Variants in PAX7 observed in about 807,000 individuals in gnomAD.
PAX7 encodes the protein paired box 7, also known as paired box protein Pax-7.
Under a neutral mutation model 50.7 loss-of-function variants are expected in PAX7, and 18 were observed. That is an observed-to-expected ratio of 0.36 (90% CI 0.25 to 0.53). The LOEUF is 0.53. PAX7 is among the 20% of genes least tolerant of loss of function. The pLI is 0.93. For synonymous variants in PAX7, 310 were observed against 290.4 expected (o/e 1.07, Z -0.69); for missense variants, 644 against 702.9 (o/e 0.92, Z 0.95).
At chr1:18,651,406 A>G (rs868120979) in intron 4 of PAX7, among the ~76,000 whole-genome samples, 3 of 152,252 alleles carry the variant, frequency 2.0e-5, no homozygotes, top group African/African-American at 7.2e-5. Flanking sequence ...ATCGTAAAAA[A>G]GTATATAAAA....
chr1:18,644,608 T>C (rs1180594956), intron 4 of PAX7, among the ~76,000 whole-genome samples: 1 of 152,060 alleles, frequency 6.6e-6, no homozygotes, highest in Non-Finnish European at 1.5e-5. Flanking sequence ...TGCTTCCTGA[T>C]GACTTCAGTA....
chr1:18,721,889 C>G (rs991396084), intron 7 of PAX7, among the ~76,000 whole-genome samples: 2 of 152,172 alleles, frequency 1.3e-5, no homozygotes, highest in Non-Finnish European at 2.9e-5. Context: ...GGACTGCTGT[C>G]AGAGATGGGG....
At chr1:18,697,024 G>T (rs1383629154) in intron 5 of PAX7, among the ~76,000 whole-genome samples, 1 of 151,962 alleles carries the variant, frequency 6.6e-6, no homozygotes, top group African/African-American at 2.4e-5. Context: ...CTATAAATAT[G>T]CATGCCTACT....
intron 4 of PAX7, among the ~76,000 whole-genome samples, chr1:18,691,436 GA>G (rs1266804008): frequency 1.3e-5 from 2 of 152,224 alleles, no homozygotes; most frequent in Non-Finnish European, 1.5e-5. Context: ...CATGTCAGTG[GA>G]AATAAACAAA....
chr1:18,736,896 C>T (rs147316059), intron 8 of PAX7, among the ~76,000 whole-genome samples: 29 of 152,370 alleles, frequency 1.9e-4, no homozygotes, highest in African/African-American at 6.7e-4. Flanking sequence ...CCATGTGCTG[C>T]TGGTGGCCAC....
At chr1:18,665,428 T>G (rs966566323) in intron 4 of PAX7, among the ~76,000 whole-genome samples, 1 of 152,082 alleles carries the variant, frequency 6.6e-6, no homozygotes, top group Non-Finnish European at 1.5e-5. Flanking sequence ...CAGGCTGGAG[T>G]GCAGTGGCAC....
intron 4 of PAX7, among the ~76,000 whole-genome samples, chr1:18,687,307 C>A (rs2088991460): frequency 6.6e-6 from 1 of 152,226 alleles, no homozygotes; most frequent in Non-Finnish European, 1.5e-5. Context: ...AGGGGAGCGA[C>A]TTGTCCAAGA....
intron 4 of PAX7, among the ~76,000 whole-genome samples, chr1:18,665,792 C>T (rs1163511134): frequency 2.0e-5 from 3 of 151,896 alleles, no homozygotes; most frequent in African/African-American, 7.3e-5. Flanking sequence ...GCCTCAGCCT[C>T]CCCAGTAGCT....
At chr1:18,715,861 A>T (rs1204857801) in intron 7 of PAX7, among the ~76,000 whole-genome samples, 1 of 152,104 alleles carries the variant, frequency 6.6e-6, no homozygotes, top group Non-Finnish European at 1.5e-5. Flanking sequence ...ACAGTGAGTT[A>T]GCGCAGGGCC....
In PAX7 at chr1:18,746,148, C is replaced by G. The variant is rs1464187025; in HGVS notation, c.*1219C>G. 4.3e-6 allele frequency: 1 copy of G among 231,964 alleles called. No homozygotes were observed. Among genetic ancestry groups the G allele is most frequent in the African/African-American group, 2.2e-5 (1 of 45,382 alleles). The allele number at this position is 231,964 out of a possible 1,614,324, so 14.4% of individuals were successfully genotyped here. On this transcript the variant is annotated 3_prime_UTR_variant, in exon 9 of 9. Coordinates refer to ENST00000420770, the MANE Select transcript of PAX7 (RefSeq NM_001135254.2). ...GGGCAGGGATGGTTTGCCCCACAGA[C>G]AAGATGATCCCCCCTGGCATGTTGT... is the stretch of plus-strand genomic sequence containing the variant.
chr1:18,637,749 C>T (rs1349369207), intron 4 of PAX7, among the ~76,000 whole-genome samples: 1 of 152,276 alleles, frequency 6.6e-6, no homozygotes, highest in African/African-American at 2.4e-5. Flanking sequence ...CCCCGTGTGA[C>T]AGCGGCCTGG....
chr1:18,682,859 G>T (rs1557527672), intron 4 of PAX7, among the ~76,000 whole-genome samples: 1 of 152,172 alleles, frequency 6.6e-6, no homozygotes, highest in Non-Finnish European at 1.5e-5. Context: ...CATCTTTCAA[G>T]GACTGGTCTC....
intron 3 of PAX7, 47 bp downstream of exon 3, chr1:18,635,287 G>T (rs1416000385): frequency 3.7e-6 from 6 of 1,607,556 alleles, no homozygotes; most frequent in Non-Finnish European, 5.1e-6. Flanking sequence ...GTGTGGCCAG[G>T]GGTCCAGTGT....
intron 5 of PAX7, among the ~76,000 whole-genome samples, chr1:18,693,070 A>G (rs1396545618): frequency 1.3e-5 from 2 of 152,128 alleles, no homozygotes; most frequent in African/African-American, 4.8e-5. Context: ...AAGAGCCGGG[A>G]CAAGTCGTGA....
At chr1:18,729,136 C>A (rs2089615105) in intron 7 of PAX7, among the ~76,000 whole-genome samples, 1 of 152,232 alleles carries the variant, frequency 6.6e-6, no homozygotes, top group Non-Finnish European at 1.5e-5. Context: ...CACTTTCATG[C>A]AATTCAGACA....
chr1:18,699,197 G>A (rs966304684), intron 5 of PAX7, among the ~76,000 whole-genome samples: 2 of 152,212 alleles, frequency 1.3e-5, no homozygotes, highest in African/African-American at 4.8e-5. Context: ...CTGTCCCGTG[G>A]AGCCTGAGTC....
rs2089579561 is a variant in PAX7, at chr1:18,726,973, G to T, written c.1156-8659G>T. Among the ~76,000 whole-genome samples the T allele has an allele frequency of 6.6e-6, 1 of 152,156 alleles. No individual in the cohort carries two copies. The highest frequency in any genetic ancestry group is 1.5e-5 in the Non-Finnish European group (1 of 68,034). On this transcript the variant is annotated intron_variant, in intron 7 of 8. Coordinates refer to ENST00000420770, the MANE Select transcript of PAX7 (RefSeq NM_001135254.2). This position sits in a 1 kb window ranked among gnomAD's most constrained non-coding sequence, Gnocchi z 4.8. ...TCCCCGAGCTTCAGCCTGTACTCTGGGTTGGGGCACACAGGATCTGTGCCC... is the reference window on the plus strand; with the variant it reads ...TCCCCGAGCTTCAGCCTGTACTCTGTGTTGGGGCACACAGGATCTGTGCCC...
chr1:18,697,342 T>C (rs1031091183), intron 5 of PAX7, among the ~76,000 whole-genome samples: 1 of 152,172 alleles, frequency 6.6e-6, no homozygotes, highest in Non-Finnish European at 1.5e-5. Flanking sequence ...TTTATTTCCC[T>C]CTCTGTAAAC....
intron 5 of PAX7, among the ~76,000 whole-genome samples, chr1:18,693,959 A>T (rs898714489): frequency 6.6e-6 from 1 of 152,206 alleles, no homozygotes; most frequent in Admixed American, 6.5e-5. Context: ...GCCGGAGCCC[A>T]GGCAAAGCCA....
Sources: gnomAD v4.1 joint callset for allele counts (sites outside exome capture counted in the v4.1 genomes callset) on GRCh38, gnomAD v4.1.1 for gene constraint, Gnocchi (gnomAD v3.1) non-coding constraint, MANE v1.5 for transcripts, NCBI Gene and HGNC (gene_info 2026-07-23, HGNC 2026-07-21) for gene names.